CACNA2D3: variants seen among roughly 807,000 people sequenced by gnomAD.
CACNA2D3 encodes calcium voltage-gated channel auxiliary subunit alpha2delta 3.
A neutral mutation model predicts 160.6 loss-of-function variants in CACNA2D3; 60 were observed. The ratio of observed to expected loss-of-function variants is 0.37; its 90% CI spans 0.30 to 0.46. The LOEUF is 0.46. Among genes scored for constraint, CACNA2D3 ranks in the 20% least tolerant of loss-of-function variants. CACNA2D3 has a pLI of 1.00. For synonymous variants in CACNA2D3, 558 were observed against 492.9 expected, an observed-to-expected ratio of 1.13 and a Z score of -1.75; for missense variants, 1,205 against 1,365.0, an observed-to-expected ratio of 0.88 and a Z score of 1.85.
At chr3:54,415,693 T>C (rs1229812162) in intron 4 of CACNA2D3, among the ~76,000 whole-genome samples, 1 of 152,200 alleles carries the variant, frequency 6.6e-6, no homozygotes, top group African/African-American at 2.4e-5. Flanking sequence ...TTCTTCTCCC[T>C]ATAATCCTGT....
chr3:54,628,257 GC>G (rs1279556127), intron 10 of CACNA2D3, among the ~76,000 whole-genome samples: 19 of 152,142 alleles, frequency 1.2e-4, no homozygotes, highest in Admixed American at 1.1e-3. Flanking sequence ...AAAATTGTGG[GC>G]CAGCTCTGGC....
chr3:54,241,751 G>A (rs1440541896), intron 2 of CACNA2D3, among the ~76,000 whole-genome samples: 1 of 152,170 alleles, frequency 6.6e-6, no homozygotes, highest in Non-Finnish European at 1.5e-5. Context: ...GGCCTCTAGG[G>A]CCACAGTCAG....
chr3:54,233,921 A>T (rs140645230), intron 2 of CACNA2D3, among the ~76,000 whole-genome samples: 12 of 152,330 alleles, frequency 7.9e-5, no homozygotes, highest in Non-Finnish European at 1.3e-4. Flanking sequence ...TTAAAAAAAT[A>T]TATCCTGGAA....
At chr3:54,174,878 G>A (rs1442861491) in intron 2 of CACNA2D3, among the ~76,000 whole-genome samples, 2 of 152,202 alleles carry the variant, frequency 1.3e-5, no homozygotes, top group Non-Finnish European at 2.9e-5. Flanking sequence ...AGGAGGAGAT[G>A]GACATTTGGT....
chr3:54,917,216 T>C (rs1700683279), intron 27 of CACNA2D3, among the ~76,000 whole-genome samples: 1 of 152,192 alleles, frequency 6.6e-6, no homozygotes, highest in Admixed American at 6.5e-5. Flanking sequence ...CATGAAAGGT[T>C]CCTTTAAATA....
intron 5 of CACNA2D3, among the ~76,000 whole-genome samples, chr3:54,532,121 G>C (rs548256209): frequency 2.0e-5 from 3 of 152,332 alleles, no homozygotes; most frequent in African/African-American, 7.2e-5. Flanking sequence ...GGGGGTAAAA[G>C]TGTGGGGAAG....
intron 34 of CACNA2D3, among the ~76,000 whole-genome samples, chr3:55,013,607 C>T (rs1442410597): frequency 1.3e-5 from 2 of 152,156 alleles, no homozygotes; most frequent in Non-Finnish European, 2.9e-5. Context: ...TGAGCTGAGA[C>T]ATACATCTTT....
intron 3 of CACNA2D3, among the ~76,000 whole-genome samples, chr3:54,352,101 T>G (rs1698574791): frequency 6.6e-6 from 1 of 152,196 alleles, no homozygotes; most frequent in South Asian, 2.1e-4. Flanking sequence ...CAGGGCATTC[T>G]TATTCTTATA....
chr3:54,224,426 G>C (rs111305786), intron 2 of CACNA2D3, among the ~76,000 whole-genome samples: 1 of 152,142 alleles, frequency 6.6e-6, no homozygotes, highest in African/African-American at 2.4e-5. Flanking sequence ...ACTTCTGTGT[G>C]ATTGGCATTG....
chr3:54,460,877 G>C (rs896887584), intron 4 of CACNA2D3, among the ~76,000 whole-genome samples: 1 of 152,194 alleles, frequency 6.6e-6, no homozygotes, highest in African/African-American at 2.4e-5. Flanking sequence ...AATGCTTCCA[G>C]TTTTTGCCCA....
intron 27 of CACNA2D3, among the ~76,000 whole-genome samples, chr3:54,956,611 C>T (rs1310624380): frequency 6.6e-6 from 1 of 152,064 alleles, no homozygotes; most frequent in Non-Finnish European, 1.5e-5. Flanking sequence ...AATTCCTGCT[C>T]ATCCTACAGA....
chr3:54,466,275 T>G (rs1359305852), intron 4 of CACNA2D3, among the ~76,000 whole-genome samples: 1 of 152,194 alleles, frequency 6.6e-6, no homozygotes, highest in Non-Finnish European at 1.5e-5. Context: ...TATAAATTTT[T>G]TTTTGATGTT....
intron 17 of CACNA2D3, among the ~76,000 whole-genome samples, chr3:54,868,966 C>T (rs1224310029): frequency 6.6e-6 from 1 of 152,146 alleles, no homozygotes; most frequent in East Asian, 1.9e-4. Flanking sequence ...CTTTCTTTGC[C>T]ATGGAGGTGC....
intron 3 of CACNA2D3, among the ~76,000 whole-genome samples, chr3:54,328,163 A>G (rs1359676915): frequency 6.6e-6 from 1 of 152,222 alleles, no homozygotes; most frequent in African/African-American, 2.4e-5. Context: ...ATGCCTGCCT[A>G]TGTTCCCACC....
At chr3:55,010,616 C>A (rs1703190466) in intron 34 of CACNA2D3, among the ~76,000 whole-genome samples, 2 of 152,124 alleles carry the variant, frequency 1.3e-5, no homozygotes, top group Admixed American at 1.3e-4. Context: ...AGGCCAGGGA[C>A]TAGTAGGCTA....
chr3:54,635,067 G>A (rs1389633297), intron 10 of CACNA2D3, among the ~76,000 whole-genome samples: 3 of 151,944 alleles, frequency 2.0e-5, no homozygotes, highest in African/African-American at 4.8e-5. Flanking sequence ...ATTAGGGGCG[G>A]TGTGGGAACC....
At chr3:54,488,885 C>T (rs950416900) in intron 4 of CACNA2D3, among the ~76,000 whole-genome samples, 1 of 152,068 alleles carries the variant, frequency 6.6e-6, no homozygotes, top group Non-Finnish European at 1.5e-5. Context: ...CTCCAAGATC[C>T]CCAGTCAAGG....
At chr3:54,957,021 A>T (rs1701914851) in intron 27 of CACNA2D3, among the ~76,000 whole-genome samples, 1 of 152,220 alleles carries the variant, frequency 6.6e-6, no homozygotes, top group Admixed American at 6.5e-5. Context: ...GGATGTTATT[A>T]GGATTAGCAA....
intron 27 of CACNA2D3, among the ~76,000 whole-genome samples, chr3:54,946,900 A>C: frequency 6.6e-6 from 1 of 152,110 alleles, no homozygotes; most frequent in African/African-American, 2.4e-5. Flanking sequence ...AATGATCTTT[A>C]TCTGTAATTG....
Sources: gnomAD v4.1 joint callset for allele counts (sites outside exome capture counted in the v4.1 genomes callset) on GRCh38, gnomAD v4.1.1 for gene constraint, MANE v1.5 for transcripts, NCBI Gene and HGNC (gene_info 2026-07-23, HGNC 2026-07-21) for gene names.